Variants in CCAR1 observed in about 807,000 individuals in gnomAD.
CCAR1 encodes cell division cycle and apoptosis regulator protein 1.
A neutral mutation model predicts 163.8 loss-of-function variants in CCAR1; 78 were observed. The ratio of observed to expected loss-of-function variants is 0.48; its 90% confidence interval spans 0.40 to 0.57. The LOEUF (loss-of-function observed/expected upper bound fraction) is 0.57, where lower values mean the gene tolerates loss of function less well. Among genes scored for constraint, CCAR1 ranks in the 20% least tolerant of loss-of-function variants. CCAR1 has a pLI of 0.00. For synonymous variants in CCAR1, 443 were observed against 460.7 expected, an observed-to-expected ratio of 0.96 and a Z score of 0.49; for missense variants, 1,019 against 1,365.2, an observed-to-expected ratio of 0.75 and a Z score of 4.00.
In CCAR1 at chr10:68,749,160, G is replaced by A. The variant is rs768557387; in HGVS notation, c.851G>A (p.Arg284His). 10 of 1,613,438 alleles carry A rather than the reference G, an allele frequency of 6.2e-6. No individual in the cohort carries two copies. The highest frequency in any genetic ancestry group is 8.5e-6 in the Non-Finnish European group (10 of 1,179,870). The change falls in exon 9 of 25, where the codon CGT (arginine) becomes CAT (histidine). Residue 284 changes from arginine (R) to histidine (H), a missense_variant. Around this residue, in one of 4 missense-constraint regions of CCAR1, gnomAD observed 644 missense variants for 904.4 expected, o/e 0.71. Transcript: ENST00000265872. ...GCTGGTTTATTGCAGCCTCCTGTTC[G>A]TATAGTTTCACAGCCACAACCGGCA... Reference protein sequence around the residue: ...QKAGLLQPPVRIVSQPQPARR... With the variant: ...QKAGLLQPPVHIVSQPQPARR...
At chr10:68,764,914 T>C (rs115020030) in intron 16 of CCAR1, among the ~76,000 whole-genome samples, 2,148 of 152,312 alleles carry the variant, frequency 0.014, 58 homozygotes, top group African/African-American at 0.048. Context: ...CTTCTCACTC[T>C]CTTTTTTAAA....
At chr10:68,780,502 TTTGC>T (rs1365035071) in intron 19 of CCAR1, among the ~76,000 whole-genome samples, 1 of 152,200 alleles carries the variant, frequency 6.6e-6, no homozygotes, top group East Asian at 1.9e-4. Context: ...CATTAGAACA[TTTGC>T]TTAATTTTTT....
intron 19 of CCAR1, among the ~76,000 whole-genome samples, chr10:68,782,777 A>AT (rs1208376775): frequency 6.6e-6 from 1 of 151,572 alleles, no homozygotes; most frequent in Non-Finnish European, 1.5e-5. Context: ...GCTTTACTGA[A>AT]TTTTTTTTTA....
At chr10:68,790,867 A>G (rs1333044594) in intron 24 of CCAR1, among the ~76,000 whole-genome samples, 2 of 150,268 alleles carry the variant, frequency 1.3e-5, no homozygotes, top group Non-Finnish European at 3.0e-5. Flanking sequence ...TCTGTCTCAA[A>G]AAAAAAAAAA....
chr10:68,773,122 A>G, intron 19 of CCAR1, 23 bp downstream of exon 19: 2 of 1,181,148 alleles, frequency 1.7e-6, no homozygotes, highest in Non-Finnish European at 2.5e-6. Context: ...TTTATTTATT[A>G]CTTCTTAGAG....
At chr10:68,738,140 C>G (rs542304718) in intron 4 of CCAR1, among the ~76,000 whole-genome samples, 1 of 152,170 alleles carries the variant, frequency 6.6e-6, no homozygotes, top group Non-Finnish European at 1.5e-5. Flanking sequence ...GGAGGCTGGG[C>G]GCAGTGGCTC....
chr10:68,784,044 C>T (rs2056768107), intron 19 of CCAR1, among the ~76,000 whole-genome samples: 1 of 152,114 alleles, frequency 6.6e-6, no homozygotes, highest in Admixed American at 6.6e-5. Flanking sequence ...AGGCGTGAGC[C>T]ACTGCGCCCG....
chr10:68,757,148 C>T (rs1001622304), intron 14 of CCAR1, 146 bp from the exon 15 acceptor site: 13 of 539,590 alleles, frequency 2.4e-5, no homozygotes, highest in Admixed American at 1.3e-4. Context: ...AATGTATGTA[C>T]GTGGACTTGC....
intron 15 of CCAR1, among the ~76,000 whole-genome samples, chr10:68,758,547 T>TAC (rs2056424784): frequency 6.9e-6 from 1 of 144,896 alleles, no homozygotes; most frequent in African/African-American, 2.6e-5. Context: ...TGTGTGTGTA[T>TAC]ACAGTGTATA....
chr10:68,774,464 C>T (rs1046934679), intron 19 of CCAR1, among the ~76,000 whole-genome samples: 4 of 151,606 alleles, frequency 2.6e-5, no homozygotes, highest in East Asian at 1.9e-4. Context: ...ATGGTGAAAC[C>T]CCATCTCTAC....
At chr10:68,743,517 A>G (rs150061137) in intron 6 of CCAR1, among the ~76,000 whole-genome samples, 91 of 151,144 alleles carry the variant, frequency 6.0e-4, no homozygotes, top group African/African-American at 2.0e-3. Flanking sequence ...CAAGTGTGGA[A>G]TTTTGTTTCT....
chr10:68,787,835 CAAAAG>C (rs776962339), intron 21 of CCAR1, 87 bp from the exon 22 acceptor site: 1 of 1,294,690 alleles, frequency 7.7e-7, no homozygotes, highest in Non-Finnish European at 1.1e-6. Context: ...GACTCTTTCT[CAAAAG>C]AAAGTGAAAA....
chr10:68,755,279 T>C, intron 12 of CCAR1, 91 bp from the exon 13 acceptor site: 1 of 1,140,730 alleles, frequency 8.8e-7, no homozygotes, highest in Middle Eastern at 2.0e-4. Flanking sequence ...AAAATGATAT[T>C]GGAAAGGTTT....
rs752569768 is a variant in CCAR1, at chr10:68,765,944, T to C, written c.2163T>C (p.Tyr721=). ...AACGCCAGCGTCGAGAAAGAAGATATATTTTGCCTGATGAACCGGCCATCA... is the reference window on the plus strand; with the variant it reads ...AACGCCAGCGTCGAGAAAGAAGATACATTTTGCCTGATGAACCGGCCATCA... ...EIERQRRERR[Y]ILPDEPAIIV... is the part of the protein sequence containing the mutation. Residue 721 remains tyrosine (Y), a synonymous_variant, in exon 17 of 25, where the codon TAT becomes TAC. Coordinates refer to ENST00000265872, the MANE Select transcript of CCAR1 (RefSeq NM_018237.4). 5.6e-6 allele frequency: 9 copies of C among 1,614,024 alleles called. No homozygotes were observed. Among genetic ancestry groups the C allele is most frequent in the Middle Eastern group, 1.7e-4 (1 of 6,060 alleles).
rs1188350213 is a variant in CCAR1 at position 68,749,180 on chromosome 10, C to A, written c.871C>A (p.Pro291Thr). The change falls in exon 9 of 25, where the codon CCG becomes ACG. Residue 291 changes from proline (P) to threonine (T), a missense_variant. Around this residue, in one of 4 missense-constraint regions of CCAR1, gnomAD observed 644 missense variants for 904.4 expected, o/e 0.71. Coordinates refer to ENST00000265872, the MANE Select transcript of CCAR1 (RefSeq NM_018237.4). ...TGTTCGTATAGTTTCACAGCCACAA[C>A]CGGCACGACGATTAGATCCCCCATC... ...PPVRIVSQPQPARRLDPPSRF... is the reference protein window; with the variant it reads ...PPVRIVSQPQTARRLDPPSRF... 9 of 1,613,808 alleles carry A rather than the reference C, an allele frequency of 5.6e-6. No homozygotes were observed. The highest frequency in any genetic ancestry group is 7.6e-6 in the Non-Finnish European group (9 of 1,179,926).
intron 17 of CCAR1, among the ~76,000 whole-genome samples, chr10:68,768,363 A>G (rs1234784276): frequency 6.6e-6 from 1 of 151,788 alleles, no homozygotes; most frequent in East Asian, 1.9e-4. Context: ...TAATCACAGC[A>G]CTTTGGGAGG....
intron 2 of CCAR1, among the ~76,000 whole-genome samples, chr10:68,729,218 T>G (rs746584765): frequency 7.2e-5 from 11 of 152,038 alleles, no homozygotes; most frequent in Non-Finnish European, 1.6e-4. Context: ...ATTTAAAGTA[T>G]TATTTTGTAG....
chr10:68,748,407 A>T (rs910006337), intron 8 of CCAR1, among the ~76,000 whole-genome samples: 1 of 152,108 alleles, frequency 6.6e-6, no homozygotes, highest in Non-Finnish European at 1.5e-5. Flanking sequence ...TCTCAAAAAA[A>T]AGAGAAAAAG....
chr10:68,765,835 T>C, intron 16 of CCAR1, 53 bp from the exon 17 acceptor site: 1 of 1,266,706 alleles, frequency 7.9e-7, no homozygotes, highest in South Asian at 1.3e-5. Flanking sequence ...CTTGCACATG[T>C]ATATACATCC....
Sources: gnomAD v4.1 joint callset for allele counts (sites outside exome capture counted in the v4.1 genomes callset) on GRCh38, gnomAD v4.1.1 for gene constraint, gnomAD v4.1.1 regional missense constraint, MANE v1.5 for transcripts, NCBI Gene and HGNC (gene_info 2026-07-23, HGNC 2026-07-21) for gene names.